Variants in CD46 observed in about 807,000 individuals in gnomAD.
The protein encoded by CD46 is membrane cofactor protein.
A neutral mutation model predicts 53.3 loss-of-function variants in CD46; 30 were observed. The ratio of observed to expected loss-of-function variants is 0.56; its 90% CI spans 0.42 to 0.76. CD46 has a LOEUF of 0.76. CD46 is among the 30% of genes least tolerant of loss of function. CD46 has a pLI of 0.00. For synonymous variants in CD46, 142 were observed against 152.0 expected (o/e 0.93, Z 0.48); for missense variants, 409 against 463.0 (o/e 0.88, Z 1.07).
chr1:207,776,724 G>A (rs1170530323), intron 8 of CD46, among the ~76,000 whole-genome samples: 1 of 151,684 alleles, frequency 6.6e-6, no homozygotes, highest in Non-Finnish European at 1.5e-5. Context: ...AACCTCCTGG[G>A]CTCAGGTGAT....
intron 12 of CD46, among the ~76,000 whole-genome samples, chr1:207,792,046 G>T (rs1659838993): frequency 6.6e-6 from 1 of 152,120 alleles, no homozygotes; most frequent in Non-Finnish European, 1.5e-5. Flanking sequence ...ACTTTGGGAG[G>T]CCGAGGCGGG....
chr1:207,789,232 A>G (rs1402248640), intron 11 of CD46, among the ~76,000 whole-genome samples: 1 of 152,212 alleles, frequency 6.6e-6, no homozygotes, highest in Non-Finnish European at 1.5e-5. Context: ...AGTTATTTAC[A>G]TAATTTATAT....
At chr1:207,759,161 C>G (rs1389264504) in intron 3 of CD46, among the ~76,000 whole-genome samples, 1 of 152,136 alleles carries the variant, frequency 6.6e-6, no homozygotes, top group Non-Finnish European at 1.5e-5. Flanking sequence ...CTAAACAACC[C>G]CATGTACTGT....
chr1:207,766,148 G>C (rs1175709488), intron 5 of CD46, among the ~76,000 whole-genome samples: 1 of 152,180 alleles, frequency 6.6e-6, no homozygotes, highest in African/African-American at 2.4e-5. Context: ...GGATGAGGGG[G>C]AAGAGGGGTA....
chr1:207,772,192 GCT>G (rs1160847428), intron 8 of CD46, among the ~76,000 whole-genome samples: 1 of 151,946 alleles, frequency 6.6e-6, no homozygotes, highest in Non-Finnish European at 1.5e-5. Flanking sequence ...TCATTATTTG[GCT>G]CTCTGTTTGT....
intron 5 of CD46, 60 bp from the exon 6 acceptor site, chr1:207,766,953 G>T: frequency 7.4e-7 from 1 of 1,349,862 alleles, no homozygotes; most frequent in Non-Finnish European, 1.1e-6. Flanking sequence ...TTACTACTTT[G>T]TACTACTTTT....
In CD46 at chr1:207,757,553, A is replaced by G. The variant is rs764437313; in HGVS notation, c.300A>G (p.Pro100=). Residue 100 remains proline (P), a synonymous_variant, in exon 3 of 13, where the codon CCA becomes CCG. Transcript: ENST00000367042. The stretch of plus-strand genomic sequence containing the variant: ...ATTTTCTTTCAGGAGAAACATGTCC[A>G]TATATACGGGATCCTTTAAATGGCC... ...SDDACYRETC[P]YIRDPLNGQA... 1 of 1,601,820 alleles carries G rather than the reference A, an allele frequency of 6.2e-7. No homozygotes were observed. Among genetic ancestry groups the G allele is most frequent in the South Asian group, 1.1e-5 (1 of 90,216 alleles).
At chr1:207,785,471 A>G (rs1417360964) in intron 10 of CD46, 148 bp from the exon 11 acceptor site, 17 of 724,802 alleles carry the variant, frequency 2.3e-5, no homozygotes, top group Non-Finnish European at 4.3e-5. Context: ...TTTAGATAGC[A>G]AAGAGTCTGG....
At chr1:207,762,442 G>C (rs1486438966) in intron 5 of CD46, 2 of 150,550 alleles carry the variant, frequency 1.3e-5, no homozygotes, top group Non-Finnish European at 3.0e-5. Context: ...ATTGAGAAAA[G>C]AAAAAAAAAT....
chr1:207,783,373 A>G (rs764857335), intron 9 of CD46, 43 bp downstream of exon 9: 17 of 1,202,410 alleles, frequency 1.4e-5, no homozygotes, highest in Non-Finnish European at 1.9e-5. Context: ...TAGTATGTGT[A>G]GAAACGTGTA....
chr1:207,752,091 A>G lies in CD46; in HGVS notation c.-122A>G, dbSNP rs572225325. 20 of 965,464 alleles carry G rather than the reference A, an allele frequency of 2.1e-5. No homozygotes were observed. Among genetic ancestry groups the G allele is most frequent in the Middle Eastern group, 2.5e-4 (1 of 4,038 alleles). The allele number at this position is 965,464 out of a possible 1,614,324, so 59.8% of individuals were successfully genotyped here. ...ACGCCCACCTGTCCTGCAGCACTGG[A>G]TGCTTTGTGAGTTGGGGATTGTTGC... On this transcript the variant is annotated 5_prime_UTR_variant, in exon 1 of 13. The change abolishes an upstream ATG in the 5' untranslated region. Transcript: ENST00000367042. This position sits in a 1 kb window ranked among gnomAD's most constrained non-coding sequence, Gnocchi z 4.1.
chr1:207,754,758 A>G (rs991972604), intron 1 of CD46, among the ~76,000 whole-genome samples: 5 of 152,116 alleles, frequency 3.3e-5, no homozygotes, highest in African/African-American at 9.7e-5. Flanking sequence ...CAGGGCTTCC[A>G]GTACTTCAGT....
Position 207,772,480 on chromosome 1 carries a change from G to A in CD46, c.943+2118G>A, listed in dbSNP as rs374536939. On this transcript the variant is annotated intron_variant, in intron 8 of 12. Coordinates refer to ENST00000367042, the MANE Select transcript of CD46 (RefSeq NM_172351.3). ...AGAGAGGGCATCCTTGTCTTGTGCC[G>A]GTTTCCAAAGGGAATGTCCAGTTTT... Among the ~76,000 whole-genome samples, 61 of 152,196 alleles carry A rather than the reference G, an allele frequency of 4.0e-4. No individual in the cohort carries two copies. In the East Asian group the frequency reaches 6.9e-3, roughly 17 times the overall value.
intron 6 of CD46, 72 bp from the exon 7 acceptor site, chr1:207,767,706 GA>G: frequency 1.3e-6 from 2 of 1,588,560 alleles, no homozygotes; most frequent in African/African-American, 2.7e-5. Flanking sequence ...AAGATATAAG[GA>G]ATTCCTGGAG....
At chr1:207,760,043 G>A (rs1249497362) in intron 4 of CD46, 9 of 239,288 alleles carry the variant, frequency 3.8e-5, no homozygotes, top group Non-Finnish European at 7.4e-5. Context: ...ACTATGCCTG[G>A]CTTTTTGTAA....
At chr1:207,768,859 T>C (rs933820696) in intron 7 of CD46, 2 of 152,246 alleles carry the variant, frequency 1.3e-5, no homozygotes, top group African/African-American at 4.8e-5. Flanking sequence ...ATGTGAGTGT[T>C]GAACTGAAAT....
intron 7 of CD46, chr1:207,769,441 A>G (rs967652486): frequency 6.6e-6 from 1 of 152,184 alleles, no homozygotes; most frequent in Non-Finnish European, 1.5e-5. Context: ...ACATGCTCCT[A>G]GTGGGTATAT....
chr1:207,773,247 C>T (rs1223587532), intron 8 of CD46, among the ~76,000 whole-genome samples: 1 of 151,922 alleles, frequency 6.6e-6, no homozygotes, highest in African/African-American at 2.4e-5. Context: ...TGGTGATATC[C>T]CCTTTATCAT....
At chr1:207,754,878 T>C (rs958936427) in intron 1 of CD46, among the ~76,000 whole-genome samples, 1 of 150,280 alleles carries the variant, frequency 6.7e-6, no homozygotes, top group African/African-American at 2.5e-5. Context: ...TCTTTTAAGA[T>C]TAATGTTTAG....
Sources: allele counts gnomAD v4.1 joint callset (sites outside exome capture counted in the v4.1 genomes callset), GRCh38; gene constraint gnomAD v4.1.1; non-coding constraint Gnocchi (gnomAD v3.1); transcripts MANE v1.5; gene names NCBI Gene and HGNC (gene_info 2026-07-23, HGNC 2026-07-21).